The following LRFN5 variants were observed in gnomAD, a reference collection of about 807,000 sequenced individuals.
The protein encoded by LRFN5 is leucine rich repeat and fibronectin type III domain containing 5, also known as leucine-rich repeat and fibronectin type-III domain-containing protein 5.
In LRFN5, 24 loss-of-function variants were observed where a neutral mutation model predicts 45.6. The ratio of observed to expected loss-of-function variants is 0.53; its 90% confidence interval spans 0.38 to 0.74. LRFN5 has a LOEUF of 0.74. LRFN5 is among the 30% of genes least tolerant of loss of function. The probability of loss-of-function intolerance (pLI) is 0.00; values close to 1 mark genes in which losing one functional copy is unlikely to be tolerated. For missense variants in LRFN5, 776 were observed against 861.5 expected (o/e 0.90, Z 1.24); for synonymous variants, 340 against 313.8 (o/e 1.08, Z -0.88).
chr14:41,882,656 A>G (rs1890422233), intron 2 of LRFN5, among the ~76,000 whole-genome samples: 1 of 152,234 alleles, frequency 6.6e-6, no homozygotes, highest in African/African-American at 2.4e-5. Flanking sequence ...CATAGGTGTT[A>G]ATATTTTCTC....
chr14:41,898,253 A>C (rs1262101500), intron 4 of LRFN5, among the ~76,000 whole-genome samples: 1 of 152,060 alleles, frequency 6.6e-6, no homozygotes, highest in African/African-American at 2.4e-5. Flanking sequence ...AAAGGAAGGC[A>C]TTTTGGAAAA....
intron 1 of LRFN5, among the ~76,000 whole-genome samples, chr14:41,758,611 G>T (rs2138862731): frequency 6.6e-6 from 1 of 152,282 alleles, no homozygotes; most frequent in African/African-American, 2.4e-5. Context: ...TGCTGAACAA[G>T]AAAAGACCAA....
intron 1 of LRFN5, among the ~76,000 whole-genome samples, chr14:41,685,244 C>CA (rs1266271839): frequency 2.0e-5 from 3 of 151,766 alleles, no homozygotes; most frequent in South Asian, 2.1e-4. Flanking sequence ...GGAGGTTCCC[C>CA]AAAAAAACTA....
intron 2 of LRFN5, among the ~76,000 whole-genome samples, chr14:41,774,839 A>G (rs971482176): frequency 1.3e-5 from 2 of 152,172 alleles, no homozygotes; most frequent in Non-Finnish European, 1.5e-5. Flanking sequence ...TGTAGGCGAT[A>G]TATAGGTTAG....
rs1890608457 is a variant in LRFN5 at position 41,887,307 on chromosome 14, A to T, written c.682A>T (p.Ile228Leu). ...RAQVLATSGI[I>L]SPSTFALSFG... ...TCAGGTACTAGCAACCTCAGGAATCATAAGCCCATCTACTTTTGCATTAAG... is the reference window on the plus strand; with the variant it reads ...TCAGGTACTAGCAACCTCAGGAATCTTAAGCCCATCTACTTTTGCATTAAG... The change falls in exon 3 of 6, where the codon ATA becomes TTA. Residue 228 changes from isoleucine (I) to leucine (L), a missense_variant. By Grantham distance (5) the Ile-to-Leu change is conservative. Coordinates refer to ENST00000298119, the MANE Select transcript of LRFN5 (RefSeq NM_152447.5). The surrounding 1 kb of genome is among the most constrained non-coding windows in gnomAD (Gnocchi z 4.8). The T allele has an allele frequency of 1.2e-6, 2 of 1,614,228 alleles. No individual in the cohort carries two copies. The highest frequency in any genetic ancestry group is 2.7e-5 in the African/African-American group (2 of 75,066).
intron 1 of LRFN5, among the ~76,000 whole-genome samples, chr14:41,620,391 A>G (rs1888079786): frequency 6.6e-6 from 1 of 152,082 alleles, no homozygotes; most frequent in Admixed American, 6.6e-5. Context: ...AAAATTATGT[A>G]AAGTTACAAA....
intron 1 of LRFN5, among the ~76,000 whole-genome samples, chr14:41,739,724 T>C (rs1259900804): frequency 6.8e-6 from 1 of 147,270 alleles, no homozygotes; most frequent in Admixed American, 6.7e-5. Context: ...GGAGCAGAAA[T>C]AAGCAAAATA....
intron 1 of LRFN5, among the ~76,000 whole-genome samples, chr14:41,707,455 C>G (rs1472079611): frequency 6.6e-6 from 1 of 151,904 alleles, no homozygotes; most frequent in Non-Finnish European, 1.5e-5. Flanking sequence ...TATATTTTTA[C>G]AAATAATGTG....
chr14:41,742,199 G>A (rs1263213003), intron 1 of LRFN5, among the ~76,000 whole-genome samples: 3 of 151,556 alleles, frequency 2.0e-5, no homozygotes, highest in Admixed American at 1.3e-4. Context: ...GCATGTGAAC[G>A]AGATACCTGT....
At chr14:41,625,416 C>T (rs1888292975) in intron 1 of LRFN5, among the ~76,000 whole-genome samples, 1 of 152,142 alleles carries the variant, frequency 6.6e-6, no homozygotes, top group Non-Finnish European at 1.5e-5. Flanking sequence ...GAAGAGGTAA[C>T]TTCTGCCACG....
At chr14:41,634,134 A>G (rs752703143) in intron 1 of LRFN5, among the ~76,000 whole-genome samples, 5 of 152,138 alleles carry the variant, frequency 3.3e-5, no homozygotes, top group Non-Finnish European at 7.4e-5. Context: ...GTTATAAAAT[A>G]AACTCATACT....
At chr14:41,702,420 A>G (rs552751591) in intron 1 of LRFN5, among the ~76,000 whole-genome samples, 23 of 152,110 alleles carry the variant, frequency 1.5e-4, no homozygotes, top group African/African-American at 2.4e-4. Flanking sequence ...AGCAGCTTCT[A>G]TTCAAGGGCT....
At chr14:41,704,737 G>A (rs1882994676) in intron 1 of LRFN5, among the ~76,000 whole-genome samples, 2 of 151,858 alleles carry the variant, frequency 1.3e-5, no homozygotes, top group African/African-American at 4.8e-5. Flanking sequence ...TGAAAGTGAA[G>A]GATCATGCCA....
At chr14:41,790,879 G>T (rs1273713877) in intron 2 of LRFN5, among the ~76,000 whole-genome samples, 1 of 151,528 alleles carries the variant, frequency 6.6e-6, no homozygotes, top group Non-Finnish European at 1.5e-5. Context: ...TCTTATAATT[G>T]TTGGGCATTA....
At chr14:41,727,035 C>T (rs987064701) in intron 1 of LRFN5, among the ~76,000 whole-genome samples, 1 of 152,084 alleles carries the variant, frequency 6.6e-6, no homozygotes, top group African/African-American at 2.4e-5. Flanking sequence ...GAAACTTGTG[C>T]ACTATGCAAT....
chr14:41,677,527 A>C (rs1187045414), intron 1 of LRFN5, among the ~76,000 whole-genome samples: 1 of 152,136 alleles, frequency 6.6e-6, no homozygotes, highest in Non-Finnish European at 1.5e-5. Flanking sequence ...TGCCTCATAA[A>C]ATACAGAATA....
rs574622217 is a variant in LRFN5, at chr14:41,611,839, T to C, written c.-197+3277T>C. ...TAGCAGCCAGAAGTGATTTCTTTCC[T>C]TTTTCTCAAGAGGCGATGGCAAGAC... is the stretch of plus-strand genomic sequence containing the variant. On this transcript the variant is annotated intron_variant, in intron 1 of 5. Transcript: ENST00000298119. Among the ~76,000 whole-genome samples, 11 of 152,292 alleles carry C rather than the reference T, an allele frequency of 7.2e-5. No individual in the cohort carries two copies. In the South Asian group the frequency reaches 2.3e-3, roughly 32 times the overall value.
intron 1 of LRFN5, among the ~76,000 whole-genome samples, chr14:41,708,838 C>T (rs1264754983): frequency 1.3e-5 from 2 of 151,758 alleles, no homozygotes; most frequent in African/African-American, 4.8e-5. Context: ...TCATAGATAG[C>T]GTTGTGTACT....
intron 1 of LRFN5, among the ~76,000 whole-genome samples, chr14:41,730,302 C>A (rs781675404): frequency 3.3e-5 from 5 of 151,862 alleles, no homozygotes; most frequent in Non-Finnish European, 7.4e-5. Context: ...ATTTATCACC[C>A]CTACAGTAAA....
Sources: gnomAD v4.1 joint callset for allele counts (sites outside exome capture counted in the v4.1 genomes callset) on GRCh38, gnomAD v4.1.1 for gene constraint, Gnocchi (gnomAD v3.1) non-coding constraint, MANE v1.5 for transcripts, NCBI Gene and HGNC (gene_info 2026-07-23, HGNC 2026-07-21) for gene names.